The following EPG5 variants were observed in gnomAD, a reference collection of about 807,000 sequenced individuals.
EPG5 encodes the protein ectopic P-granules 5 autophagy tethering factor.
A neutral mutation model predicts 302.7 loss-of-function variants in EPG5; 159 were observed. That is an observed-to-expected ratio of 0.53 (90% CI 0.46 to 0.60). EPG5 has a LOEUF of 0.60. EPG5 is among the 20% of genes least tolerant of loss of function. The pLI, the probability that EPG5 is intolerant of heterozygous loss-of-function variation, is 0.00. For synonymous variants in EPG5, 1,158 were observed against 1,136.8 expected (o/e 1.02, Z -0.37); for missense variants, 2,896 against 3,092.4 (o/e 0.94, Z 1.51).
intron 38 of EPG5, 113 bp downstream of exon 38, chr18:45,866,685 T>G (rs1039283168): frequency 2.1e-5 from 17 of 796,058 alleles, no homozygotes; most frequent in African/African-American, 3.4e-5. Context: ...ATAATACACA[T>G]CCTCCGACTT....
At chr18:45,839,173 A>C in the EPG5 span, 1 of 1,325,564 alleles carries the variant, frequency 7.5e-7, no homozygotes, top group Non-Finnish European at 9.6e-7. Context: ...CACCTGGCTG[A>C]CCCCCTGGCA....
At chr18:45,932,968 CT>C (rs199837008) in intron 11 of EPG5, among the ~76,000 whole-genome samples, 7,492 of 152,242 alleles carry the variant, frequency 0.049, 229 homozygotes, top group South Asian at 0.13. Flanking sequence ...CTGCCACATG[CT>C]AACACAGAGC....
intron 30 of EPG5, among the ~76,000 whole-genome samples, chr18:45,883,869 CAG>C (rs2049160288): frequency 6.7e-6 from 1 of 149,340 alleles, no homozygotes; most frequent in Admixed American, 6.7e-5. Flanking sequence ...CTTGGTCTAA[CAG>C]AGTTAATATT....
intron 18 of EPG5, 75 bp from the exon 19 acceptor site, chr18:45,916,281 T>A: frequency 6.5e-7 from 1 of 1,532,344 alleles, no homozygotes; most frequent in African/African-American, 1.4e-5. Context: ...CAAAATGCTA[T>A]CTACCTCCAC....
At chr18:45,958,949 C>T (rs186982841) in intron 1 of EPG5, among the ~76,000 whole-genome samples, 2 of 152,296 alleles carry the variant, frequency 1.3e-5, no homozygotes, top group East Asian at 1.9e-4. Context: ...CTCCAACTCC[C>T]TGTGATTTCA....
intron 1 of EPG5, among the ~76,000 whole-genome samples, chr18:45,959,009 A>T (rs182104027): frequency 0.024 from 3,601 of 152,224 alleles, 146 homozygotes; most frequent in African/African-American, 0.083. Context: ...CAACCCACCA[A>T]GTTATCCTTA....
intron 43 of EPG5, among the ~76,000 whole-genome samples, chr18:45,853,317 T>C (rs1267090716): frequency 6.6e-6 from 1 of 152,226 alleles, no homozygotes; most frequent in Non-Finnish European, 1.5e-5. Flanking sequence ...TGGCAGAAAC[T>C]GTTTCCATGC....
chr18:45,856,735 A>G (rs77684190), intron 42 of EPG5, among the ~76,000 whole-genome samples: 6,664 of 152,310 alleles, frequency 0.044, 236 homozygotes, highest in East Asian at 0.17. Flanking sequence ...GAATGCTGAC[A>G]TCATCAAGTT....
intron 13 of EPG5, among the ~76,000 whole-genome samples, chr18:45,927,608 A>G (rs1165225808): frequency 4.0e-5 from 6 of 150,834 alleles, no homozygotes; most frequent in African/African-American, 1.2e-4. Context: ...ACACACACAC[A>G]CACACACACA....
chr18:45,951,073 GACT>G lies in EPG5; in HGVS notation c.1389+26_1389+28del. 4 of 1,461,994 alleles carry G rather than the reference GACT, an allele frequency of 2.7e-6. No homozygotes were observed. The South Asian group carries it at 6.2e-5, about 23-fold the overall frequency. 90.6% of individuals were successfully genotyped at this position (1,461,994 alleles called of 1,614,324 possible). On this transcript the variant is annotated intron_variant, in intron 4 of 43. Coordinates refer to ENST00000282041, the MANE Select transcript of EPG5 (RefSeq NM_020964.3). ...TAAATTATGAAAGAAATAAAACAAA[GACT>G]ACTGTGTCTATCTCTGTCCCCTTAC...
At chr18:45,925,980 A>C (rs2050259711) in intron 13 of EPG5, 78 bp from the exon 14 acceptor site, 1 of 944,984 alleles carries the variant, frequency 1.1e-6, no homozygotes, top group Non-Finnish European at 1.4e-6. Context: ...ATATTATTAA[A>C]CTGCTTGTAA....
At chr18:45,842,148 G>T in the EPG5 span, 12 of 1,614,194 alleles carry the variant, frequency 7.4e-6, no homozygotes, top group Non-Finnish European at 9.3e-6. Flanking sequence ...TGAGCCAGAT[G>T]AACCCCCGGA....
the EPG5 span, among the ~76,000 whole-genome samples, chr18:45,830,933 C>T: frequency 9.9e-5 from 15 of 152,188 alleles, no homozygotes; most frequent in African/African-American, 3.6e-4. Flanking sequence ...TATGTGCTTT[C>T]TTGTCATTTT....
rs2050986610 is a variant in EPG5, at chr18:45,954,713, A to G, written c.689T>C (p.Leu230Ser). ...GCGAAGCAAGGGTTTCACTGCCACC[A>G]AAGCTGGTGCTTCTCCAGCAATTTC... ...PAEIAGEAPA[L>S]VAVKPLLRSE... is the part of the protein sequence containing the mutation. The change falls in exon 2 of 44, where the codon TTG (leucine) becomes TCG (serine). Residue 230 changes from leucine to serine, a missense_variant. By Grantham distance (145) the Leu-to-Ser change is moderately radical (BLOSUM62 -2). Coordinates refer to ENST00000282041, the MANE Select transcript of EPG5 (RefSeq NM_020964.3). The G allele has an allele frequency of 6.2e-7, 1 of 1,614,204 alleles. No homozygotes were observed. Among genetic ancestry groups the G allele is most frequent in the South Asian group, 1.1e-5 (1 of 91,060 alleles).
chr18:45,957,689 G>A (rs1220206416), intron 1 of EPG5, among the ~76,000 whole-genome samples: 2 of 152,154 alleles, frequency 1.3e-5, no homozygotes, highest in African/African-American at 2.4e-5. Flanking sequence ...AAATACATAT[G>A]ATTCGCTTGG....
chr18:45,811,459 C>T, the EPG5 span, among the ~76,000 whole-genome samples: 6 of 152,002 alleles, frequency 3.9e-5, no homozygotes, highest in African/African-American at 1.2e-4. Flanking sequence ...GACACACACA[C>T]ACAAAAAAGA....
At chr18:45,872,442 G>A (rs1016318059) in intron 35 of EPG5, among the ~76,000 whole-genome samples, 1 of 152,168 alleles carries the variant, frequency 6.6e-6, no homozygotes, top group Non-Finnish European at 1.5e-5. Context: ...AGTGGCTCAC[G>A]CTTGCAATCC....
chr18:45,945,381 T>C (rs2050764630), intron 7 of EPG5, among the ~76,000 whole-genome samples: 1 of 152,144 alleles, frequency 6.6e-6, no homozygotes, highest in Admixed American at 6.6e-5. Flanking sequence ...AAGAAACCAA[T>C]GATGTGGATA....
chr18:45,843,900 A>G (rs1331682241), downstream of EPG5: 1 of 152,132 alleles, frequency 6.6e-6, no homozygotes, highest in Admixed American at 6.5e-5. Context: ...AAATAGAACT[A>G]CCATATGATC....
Sources: allele counts gnomAD v4.1 joint callset (sites outside exome capture counted in the v4.1 genomes callset), GRCh38; gene constraint gnomAD v4.1.1; transcripts MANE v1.5; gene names NCBI Gene and HGNC (gene_info 2026-07-23, HGNC 2026-07-21).